Variants in RAD51B observed in about 807,000 individuals in gnomAD.
The protein encoded by RAD51B is DNA repair protein RAD51 homolog 2.
RAD51B carries 38 observed loss-of-function variants against 42.2 expected under a neutral mutation model. That is an observed-to-expected ratio of 0.90 (90% CI 0.70 to 1.18). The LOEUF is 1.18. RAD51B is among the 50% of genes most tolerant of loss of function. The probability of loss-of-function intolerance (pLI) is 0.00; values close to 1 mark genes in which losing one functional copy is unlikely to be tolerated. For missense variants in RAD51B, 373 were observed against 400.7 expected (o/e 0.93, Z 0.59); for synonymous variants, 154 against 145.2 (o/e 1.06, Z -0.43).
At position 67,976,570 on chromosome 14, in the gene RAD51B, C is replaced by T. The variant is rs1456965158; in HGVS notation, c.756+89366C>T. Among the ~76,000 whole-genome samples the T allele has an allele frequency of 2.6e-5, 4 of 152,062 alleles. No homozygotes were observed. In the East Asian group the frequency reaches 5.8e-4, roughly 22 times the overall value. Reference sequence around the variant, plus strand: ...TGGTGTGCTGCACCCATTAACTCGTCGGATTAAAGACTTACATATTAGACC... The same window carrying T: ...TGGTGTGCTGCACCCATTAACTCGTTGGATTAAAGACTTACATATTAGACC... On this transcript the variant is annotated intron_variant, in intron 7 of 10. Transcript: ENST00000471583.
chr14:68,286,962 A>G (rs560338912), intron 7 of RAD51B, among the ~76,000 whole-genome samples: 1 of 152,180 alleles, frequency 6.6e-6, no homozygotes, highest in East Asian at 1.9e-4. Flanking sequence ...TTAAATACTT[A>G]GTGGAAATAA....
chr14:68,624,910 G>GT (rs1892041353), intron 10 of RAD51B, among the ~76,000 whole-genome samples: 1 of 152,146 alleles, frequency 6.6e-6, no homozygotes, highest in South Asian at 2.1e-4. Flanking sequence ...CGGTGGTTCC[G>GT]AAGCGCCTGC....
chr14:67,863,983 C>G (rs1275426511), intron 4 of RAD51B, among the ~76,000 whole-genome samples: 1 of 151,540 alleles, frequency 6.6e-6, no homozygotes, highest in Non-Finnish European at 1.5e-5. Context: ...GAGAGACAGA[C>G]AGAGACATCT....
chr14:68,423,660 G>A (rs1352918773), intron 9 of RAD51B, among the ~76,000 whole-genome samples: 3 of 152,110 alleles, frequency 2.0e-5, no homozygotes, highest in Non-Finnish European at 4.4e-5. Flanking sequence ...CCATGTTCAT[G>A]TAAGATTATT....
chr14:67,939,170 T>C (rs1343799437), intron 7 of RAD51B, among the ~76,000 whole-genome samples: 1 of 152,178 alleles, frequency 6.6e-6, no homozygotes, highest in African/African-American at 2.4e-5. Flanking sequence ...CAGATATTTT[T>C]TTCTGATATA....
At chr14:67,926,558 C>CTTTTTTTTTTT (rs534207569) in intron 7 of RAD51B, among the ~76,000 whole-genome samples, 5 of 85,126 alleles carry the variant, frequency 5.9e-5, no homozygotes, top group Non-Finnish European at 1.1e-4. Context: ...GATATGTTTC[C>CTTTTTTTTTTT]TTTTTTTTTT....
At chr14:68,305,238 G>A (rs1337382867) in intron 8 of RAD51B, among the ~76,000 whole-genome samples, 1 of 152,164 alleles carries the variant, frequency 6.6e-6, no homozygotes, top group Non-Finnish European at 1.5e-5. Flanking sequence ...TTGAGCACTG[G>A]GTCCATTCAT....
At chr14:68,434,310 CCTTTTGTTCAG>C (rs1405281102) in intron 9 of RAD51B, among the ~76,000 whole-genome samples, 4 of 152,014 alleles carry the variant, frequency 2.6e-5, no homozygotes, top group African/African-American at 9.7e-5. Flanking sequence ...GTTTCTGCTG[CCTTTTGTTCAG>C]CTATGTCCTG....
intron 11 of RAD51B, among the ~76,000 whole-genome samples, chr14:68,676,183 A>G (rs533583094): frequency 6.6e-6 from 1 of 152,330 alleles, no homozygotes; most frequent in African/African-American, 2.4e-5. Flanking sequence ...CATACTGCAT[A>G]TGTTACAGCC....
intron 8 of RAD51B, among the ~76,000 whole-genome samples, chr14:68,358,622 A>G (rs1196905951): frequency 6.6e-6 from 1 of 152,180 alleles, no homozygotes; most frequent in African/African-American, 2.4e-5. Context: ...AGTGAGATGA[A>G]GCATCTTTTT....
At chr14:68,075,681 ACAG>A (rs1359304268) in intron 7 of RAD51B, among the ~76,000 whole-genome samples, 1 of 152,092 alleles carries the variant, frequency 6.6e-6, no homozygotes, top group Non-Finnish European at 1.5e-5. Flanking sequence ...CCTGGGAAAT[ACAG>A]AGCCATTGCC....
intron 10 of RAD51B, among the ~76,000 whole-genome samples, chr14:68,487,904 T>C (rs1181203103): frequency 1.3e-5 from 2 of 152,202 alleles, no homozygotes; most frequent in Non-Finnish European, 2.9e-5. Context: ...GCTCAGTTCA[T>C]AACACCTACC....
intron 10 of RAD51B, among the ~76,000 whole-genome samples, chr14:68,498,689 C>G (rs1884712845): frequency 1.3e-5 from 2 of 152,150 alleles, no homozygotes; most frequent in African/African-American, 4.8e-5. Context: ...CACCAGAGCC[C>G]CATGCAATTA....
At chr14:68,050,586 A>G (rs2076376167) in intron 7 of RAD51B, among the ~76,000 whole-genome samples, 1 of 152,174 alleles carries the variant, frequency 6.6e-6, no homozygotes, top group South Asian at 2.1e-4. Context: ...CTTTTTAGGC[A>G]TCTCTATTCA....
At chr14:68,590,612 C>G (rs1425416068) in intron 10 of RAD51B, among the ~76,000 whole-genome samples, 1 of 152,212 alleles carries the variant, frequency 6.6e-6, no homozygotes, top group Admixed American at 6.5e-5. Flanking sequence ...GAACTTCTCA[C>G]TGCAGGTATA....
intron 8 of RAD51B, among the ~76,000 whole-genome samples, chr14:68,323,878 A>C (rs1595708438): frequency 2.6e-5 from 4 of 152,288 alleles, no homozygotes; most frequent in Admixed American, 2.6e-4. Flanking sequence ...ATTTTTCTGG[A>C]GTTCAAGCTT....
chr14:68,099,373 A>G lies in RAD51B; in HGVS notation c.757-192511A>G, dbSNP rs182657430. 1.8e-3 allele frequency among the ~76,000 whole-genome samples: 281 copies of G among 152,348 alleles called. 2 individuals are homozygous for G. The highest frequency in any genetic ancestry group is 3.1e-3 in the Non-Finnish European group (209 of 68,032). On this transcript the variant is annotated intron_variant, in intron 7 of 10. Coordinates refer to ENST00000471583, the MANE Select transcript of RAD51B (RefSeq NM_133510.4). ...TCTGTCACCATAATTAGATATAGAT[A>G]CTACTGATTTCCTTTTCCCAGTCTT...
intron 9 of RAD51B, among the ~76,000 whole-genome samples, chr14:68,437,520 C>T (rs1365813875): frequency 2.0e-5 from 3 of 152,074 alleles, no homozygotes; most frequent in African/African-American, 4.8e-5. Context: ...CTTTGTAGAA[C>T]GTAACTCTTC....
chr14:67,958,366 G>A (rs2074593180), intron 7 of RAD51B, among the ~76,000 whole-genome samples: 1 of 152,140 alleles, frequency 6.6e-6, no homozygotes, highest in Admixed American at 6.6e-5. Flanking sequence ...TGCTTAGCCT[G>A]GCTAGGCAGC....
Sources: gnomAD v4.1 joint callset for allele counts (sites outside exome capture counted in the v4.1 genomes callset) on GRCh38, gnomAD v4.1.1 for gene constraint, MANE v1.5 for transcripts, NCBI Gene and HGNC (gene_info 2026-07-23, HGNC 2026-07-21) for gene names.